NKAIN3: variants seen among roughly 807,000 people sequenced by gnomAD.
NKAIN3 encodes sodium/potassium transporting ATPase interacting 3, also known as sodium/potassium-transporting ATPase subunit beta-1-interacting protein 3.
In NKAIN3, 25 loss-of-function variants were observed where a neutral mutation model predicts 30.2. The observed-to-expected ratio is 0.83, with a 90% CI of 0.60 to 1.16. The LOEUF is 1.16. NKAIN3 is among the 50% of genes most tolerant of loss of function. The pLI is 0.00. For missense variants in NKAIN3, 225 were observed against 254.1 expected, an observed-to-expected ratio of 0.89 and a Z score of 0.78; for synonymous variants, 91 against 89.6, an observed-to-expected ratio of 1.02 and a Z score of -0.09.
intron 1 of NKAIN3, among the ~76,000 whole-genome samples, chr8:62,539,743 C>G (rs1413011399): frequency 1.3e-5 from 2 of 152,130 alleles, no homozygotes; most frequent in Non-Finnish European, 2.9e-5. Flanking sequence ...GTGTGCACAA[C>G]CACACCTGGC....
chr8:62,850,848 G>T (rs1292458677), intron 4 of NKAIN3, among the ~76,000 whole-genome samples: 1 of 152,052 alleles, frequency 6.6e-6, no homozygotes, highest in Non-Finnish European at 1.5e-5. Context: ...ATGCTGTTTT[G>T]GTTACTGTAG....
At chr8:62,937,706 AG>A (rs1822831417) in intron 5 of NKAIN3, among the ~76,000 whole-genome samples, 1 of 152,056 alleles carries the variant, frequency 6.6e-6, no homozygotes. Flanking sequence ...GGGGGGCAAA[AG>A]GGAAGTACAG....
chr8:62,890,587 G>T (rs757605180), intron 4 of NKAIN3, among the ~76,000 whole-genome samples: 2 of 152,180 alleles, frequency 1.3e-5, no homozygotes, highest in Admixed American at 6.5e-5. Flanking sequence ...GAGCATCCAG[G>T]TATGAAATGT....
chr8:62,652,825 G>T (rs532136914), intron 3 of NKAIN3, among the ~76,000 whole-genome samples: 141 of 152,244 alleles, frequency 9.3e-4, no homozygotes, highest in African/African-American at 3.3e-3. Context: ...GGAGGAAACT[G>T]AGCCACGGAC....
chr8:62,781,947 A>G (rs1034027320), intron 4 of NKAIN3, among the ~76,000 whole-genome samples: 1 of 152,058 alleles, frequency 6.6e-6, no homozygotes, highest in Non-Finnish European at 1.5e-5. Flanking sequence ...AACAAATGGG[A>G]TATTTAACTA....
chr8:62,786,775 G>A (rs563363105), intron 4 of NKAIN3, among the ~76,000 whole-genome samples: 2 of 152,166 alleles, frequency 1.3e-5, no homozygotes, highest in Non-Finnish European at 2.9e-5. Flanking sequence ...AACATGCATG[G>A]TGTCAGTAAA....
rs1051571899 is a variant in NKAIN3, at chr8:62,743,651, G to A, written c.274-3281G>A. 3.3e-5 allele frequency among the ~76,000 whole-genome samples: 5 copies of A among 152,202 alleles called. No individual in the cohort carries two copies. The South Asian group carries it at 1.0e-3, about 31-fold the overall frequency. Reference sequence around the variant, plus strand: ...GGTCCTAGCTATGCAGGAGTGGGAGGCAGGAGAATTTGCTTGAGTCCAGGA... The same window carrying A: ...GGTCCTAGCTATGCAGGAGTGGGAGACAGGAGAATTTGCTTGAGTCCAGGA... On this transcript the variant is annotated intron_variant, in intron 3 of 6. Transcript: ENST00000623646.
chr8:62,935,057 C>T (rs1822742370), intron 5 of NKAIN3, among the ~76,000 whole-genome samples: 1 of 152,056 alleles, frequency 6.6e-6, no homozygotes, highest in Non-Finnish European at 1.5e-5. Context: ...GCTTCCTTTC[C>T]AGAATAAAAA....
chr8:62,993,356 A>C (rs1329477939), intron 5 of NKAIN3, among the ~76,000 whole-genome samples: 1 of 152,250 alleles, frequency 6.6e-6, no homozygotes, highest in Non-Finnish European at 1.5e-5. Context: ...TTGATGTATT[A>C]GGATTTTACC....
intron 1 of NKAIN3, among the ~76,000 whole-genome samples, chr8:62,274,049 C>T (rs73683078): frequency 0.033 from 5,073 of 152,140 alleles, 311 homozygotes; most frequent in African/African-American, 0.12. Flanking sequence ...TTTTCTATCT[C>T]GATTACTTAC....
At chr8:62,397,344 G>C (rs984179396) in intron 1 of NKAIN3, among the ~76,000 whole-genome samples, 1 of 130,368 alleles carries the variant, frequency 7.7e-6, no homozygotes, top group African/African-American at 2.5e-5. Flanking sequence ...GTTAGTATTA[G>C]AGTTGTTTAT....
At chr8:62,561,600 T>C (rs2129980284) in intron 1 of NKAIN3, among the ~76,000 whole-genome samples, 1 of 152,278 alleles carries the variant, frequency 6.6e-6, no homozygotes, top group African/African-American at 2.4e-5. Context: ...TTCGTTCCAA[T>C]AATCACTAGT....
At chr8:62,719,815 G>T (rs1010011746) in intron 3 of NKAIN3, among the ~76,000 whole-genome samples, 11 of 146,338 alleles carry the variant, frequency 7.5e-5, no homozygotes, top group African/African-American at 2.8e-4. Flanking sequence ...GGAGTGCAGC[G>T]GCGCGATCTC....
chr8:62,778,618 C>T (rs1361542714), intron 4 of NKAIN3, among the ~76,000 whole-genome samples: 1 of 152,112 alleles, frequency 6.6e-6, no homozygotes, highest in Non-Finnish European at 1.5e-5. Context: ...GGGCTCTCCT[C>T]TGGCCCAGAA....
intron 5 of NKAIN3, chr8:62,990,196 T>A (rs765538579): frequency 6.5e-7 from 1 of 1,531,514 alleles, no homozygotes; most frequent in East Asian, 2.3e-5. Flanking sequence ...TATGCAAACA[T>A]CTTTTTATCC....
intron 3 of NKAIN3, among the ~76,000 whole-genome samples, chr8:62,705,515 T>C (rs1256416506): frequency 1.3e-5 from 2 of 152,160 alleles, no homozygotes; most frequent in Non-Finnish European, 2.9e-5. Context: ...TTTGGAAACT[T>C]TTCTTCAATT....
At position 62,814,863 on chromosome 8, in the gene NKAIN3, A is replaced by G. The variant is rs1042744404; in HGVS notation, c.471+67734A>G. Among the ~76,000 whole-genome samples the G allele has an allele frequency of 8.5e-5, 13 of 152,092 alleles. No individual in the cohort carries two copies. The East Asian group carries it at 1.5e-3, about 18-fold the overall frequency. On this transcript the variant is annotated intron_variant, in intron 4 of 6. Transcript: ENST00000623646. ...AAACACATTCAAAAGCTCGCAGAAG[A>G]CAAGAAATAACTAAAATCAGAGCAG...
chr8:62,319,180 T>G (rs1047739806), intron 1 of NKAIN3, among the ~76,000 whole-genome samples: 1 of 152,192 alleles, frequency 6.6e-6, no homozygotes, highest in Non-Finnish European at 1.5e-5. Flanking sequence ...AGTGGTGATA[T>G]CCCCTTTATC....
chr8:62,916,614 T>C (rs964161964), intron 4 of NKAIN3, among the ~76,000 whole-genome samples: 3 of 152,152 alleles, frequency 2.0e-5, no homozygotes, highest in African/African-American at 7.2e-5. Context: ...TCCTCAGAGA[T>C]ATTAAATATC....
Sources: gnomAD v4.1 joint callset for allele counts (sites outside exome capture counted in the v4.1 genomes callset) on GRCh38, gnomAD v4.1.1 for gene constraint, MANE v1.5 for transcripts, NCBI Gene and HGNC (gene_info 2026-07-23, HGNC 2026-07-21) for gene names.